Variants in MSANTD3 observed in about 807,000 individuals in gnomAD.
MSANTD3 encodes the protein myb/SANT-like DNA-binding domain-containing protein 3.
Under a neutral mutation model 27.7 loss-of-function variants are expected in MSANTD3, and 11 were observed. The ratio of observed to expected loss-of-function variants is 0.40; its 90% CI spans 0.25 to 0.66. The LOEUF (loss-of-function observed/expected upper bound fraction) is 0.66, where lower values mean the gene tolerates loss of function less well. Among genes scored for constraint, MSANTD3 ranks in the 30% least tolerant of loss-of-function variants. The pLI is 0.41. For synonymous variants in MSANTD3, 131 were observed against 127.2 expected (o/e 1.03, Z -0.20); for missense variants, 250 against 336.5 (o/e 0.74, Z 2.01).
At chr9:100,433,272 A>G (rs117832514) in intron 1 of MSANTD3, among the ~76,000 whole-genome samples, 81 of 152,256 alleles carry the variant, frequency 5.3e-4, no homozygotes, top group African/African-American at 1.3e-3. Flanking sequence ...AAATTTATTT[A>G]TATTTTTTCT....
intron 1 of MSANTD3, among the ~76,000 whole-genome samples, chr9:100,439,695 A>G (rs1317805944): frequency 2.2e-5 from 3 of 138,816 alleles, no homozygotes; most frequent in Non-Finnish European, 4.7e-5. Flanking sequence ...TTTTTTTTGT[A>G]ATTTTAGTAG....
rs1236565117 is a variant in MSANTD3, at chr9:100,451,524, T to C, written c.*558T>C. The C allele has an allele frequency of 6.6e-6, 1 of 151,992 alleles. No homozygotes were observed. The highest frequency in any genetic ancestry group is 2.4e-5 in the African/African-American group (1 of 41,352). The allele number at this position is 151,992 out of a possible 1,614,324, so 9.4% of individuals were successfully genotyped here. A position where few individuals can be genotyped will look rare whatever the true frequency, so the allele number is the denominator to read the frequency against. ...ATCCTCTGAGTATGGATTTTCTGTTTTTAAACAGCCCAAAGTTTAGAAGGG... is the reference window on the plus strand; with the variant it reads ...ATCCTCTGAGTATGGATTTTCTGTTCTTAAACAGCCCAAAGTTTAGAAGGG... On this transcript the variant is annotated 3_prime_UTR_variant, in exon 3 of 3. Transcript: ENST00000395067.
At position 100,446,825 on chromosome 9, in the gene MSANTD3, T is replaced by TAAA. The variant is rs34205662; in HGVS notation, c.419-3719_419-3717dup. ...CTGGGTGACAGAGCCAGACTTCGTCTAAAAAAAAAAAAAAAGATCAATTCC... is the reference window on the plus strand; with the variant it reads ...CTGGGTGACAGAGCCAGACTTCGTCTAAAAAAAAAAAAAAAAAAGATCAATTCC... On this transcript the variant is annotated intron_variant, in intron 2 of 2. Coordinates refer to ENST00000395067, the MANE Select transcript of MSANTD3 (RefSeq NM_080655.3). 3.5e-3 allele frequency among the ~76,000 whole-genome samples: 498 copies of TAAA among 141,644 alleles called. 5 individuals carry two copies. The highest frequency in any genetic ancestry group is 9.9e-3 in the African/African-American group (384 of 38,600). 92.9% of individuals were successfully genotyped at this position (141,644 alleles called of 152,430 possible).
intron 1 of MSANTD3, among the ~76,000 whole-genome samples, chr9:100,430,895 A>G (rs1564246161): frequency 6.6e-6 from 1 of 152,236 alleles, no homozygotes; most frequent in Non-Finnish European, 1.5e-5. Context: ...AGTGGGGCAC[A>G]GAGGTGGCTG....
intron 1 of MSANTD3, among the ~76,000 whole-genome samples, chr9:100,438,088 A>C (rs1587786749): frequency 6.6e-6 from 1 of 152,214 alleles, no homozygotes; most frequent in South Asian, 2.1e-4. Context: ...CATCTTGAGG[A>C]AGAATTACAT....
intron 1 of MSANTD3, among the ~76,000 whole-genome samples, chr9:100,434,741 C>T (rs1186413071): frequency 1.3e-5 from 2 of 152,124 alleles, no homozygotes. Flanking sequence ...TCTTCATGCT[C>T]AAGGTGCTTT....
chr9:100,442,007 T>G lies in MSANTD3; in HGVS notation c.69T>G (p.Ala23=). 6.2e-7 allele frequency: 1 copy of G among 1,614,186 alleles called. No individual in the cohort carries two copies. Among genetic ancestry groups the G allele is most frequent in the East Asian group, 2.2e-5 (1 of 44,878 alleles). ...AATTGGAAAAGAGCATCCTGCTGGC[T>G]TTAGTAGAAAAGTATAAATATGTGC... The part of the protein sequence containing the change: ...FSELEKSILL[A]LVEKYKYVLE... Residue 23 remains alanine (A), a synonymous_variant, in exon 2 of 3, where the codon GCT becomes GCG. Coordinates refer to ENST00000395067, the MANE Select transcript of MSANTD3 (RefSeq NM_080655.3).
Position 100,450,912 on chromosome 9 carries a change from T to C in MSANTD3, c.774T>C (p.Phe258=), listed in dbSNP as rs1463318324. 3 of 1,612,006 alleles carry C rather than the reference T, an allele frequency of 1.9e-6. No individual in the cohort carries two copies. The highest frequency in any genetic ancestry group is 1.7e-4 in the Middle Eastern group (1 of 6,050). ...ATTGGGAAAGAAAACTACAAACTTT[T>C]ACCAAGGAATGGCCTGTTTCCTCAT... The part of the protein sequence containing the change: ...KMYWERKLQT[F]TKEWPVSSFN... The change falls in exon 3 of 3, where the codon TTT becomes TTC. Residue 258 remains phenylalanine, a synonymous_variant. Coordinates refer to ENST00000395067, the MANE Select transcript of MSANTD3 (RefSeq NM_080655.3).
rs146663531 is a variant in MSANTD3 at position 100,442,473 on chromosome 9, A to G, written c.418+117A>G. ...AAATGAAACTTTTGTATCAAATCCA[A>G]TTTTCCTAATTCAAGATCTCAGGAT... On this transcript the variant is annotated intron_variant, in intron 2 of 2. Coordinates refer to ENST00000395067, the MANE Select transcript of MSANTD3 (RefSeq NM_080655.3). The G allele has an allele frequency of 7.1e-3, 10,124 of 1,434,366 alleles. 43 individuals carry two copies. Among genetic ancestry groups the G allele is most frequent in the Non-Finnish European group, 8.1e-3 (8,838 of 1,090,276 alleles). 88.9% of individuals were successfully genotyped at this position (1,434,366 alleles called of 1,614,324 possible).
intron 2 of MSANTD3, chr9:100,445,043 C>A: frequency 1.6e-6 from 1 of 633,342 alleles, no homozygotes; most frequent in Non-Finnish European, 2.8e-6. Flanking sequence ...TGGTGGAGAA[C>A]CTTGGTGCTT....
chr9:100,430,674 G>A (rs934591235), intron 1 of MSANTD3, among the ~76,000 whole-genome samples: 1 of 152,210 alleles, frequency 6.6e-6, no homozygotes, highest in African/African-American at 2.4e-5. Flanking sequence ...CACAGACATG[G>A]GCAGTGAGAA....
chr9:100,437,001 C>T (rs1251990134), intron 1 of MSANTD3, among the ~76,000 whole-genome samples: 11 of 152,112 alleles, frequency 7.2e-5, no homozygotes, highest in Non-Finnish European at 8.8e-5. Context: ...GATGGGGTTT[C>T]GCCTTATTGG....
At chr9:100,433,430 C>A (rs982569997) in intron 1 of MSANTD3, among the ~76,000 whole-genome samples, 3 of 152,100 alleles carry the variant, frequency 2.0e-5, no homozygotes, top group African/African-American at 4.8e-5. Context: ...CATGCAGTGG[C>A]ATGATCATAT....
intron 1 of MSANTD3, among the ~76,000 whole-genome samples, chr9:100,438,746 G>C (rs1032129761): frequency 6.6e-6 from 1 of 152,186 alleles, no homozygotes; most frequent in Non-Finnish European, 1.5e-5. Context: ...ACAGAAGAGA[G>C]ATATTGTACA....
intron 2 of MSANTD3, among the ~76,000 whole-genome samples, chr9:100,443,848 A>C (rs1031218067): frequency 6.6e-6 from 1 of 152,224 alleles, no homozygotes; most frequent in African/African-American, 2.4e-5. Context: ...ACATTGAAGC[A>C]GAGGATGTTT....
Position 100,437,785 on chromosome 9 carries a change from A to G in MSANTD3, c.-33-4121A>G, listed in dbSNP as rs554132385. Among the ~76,000 whole-genome samples, 24 of 152,314 alleles carry G rather than the reference A, an allele frequency of 1.6e-4. No homozygotes were observed. In the South Asian group the frequency reaches 2.7e-3, roughly 17 times the overall value. On this transcript the variant is annotated intron_variant, in intron 1 of 2. Transcript: ENST00000395067. ...CGTATAATTTCTTCTGGTACTTTAT[A>G]TATGTAAATTTATATATACATGCAT...
rs1407929623 is a variant in MSANTD3, at chr9:100,450,915, C to G, written c.777C>G (p.Thr259=). The change falls in exon 3 of 3, where the codon ACC becomes ACG. Residue 259 remains threonine, a synonymous_variant. Coordinates refer to ENST00000395067, the MANE Select transcript of MSANTD3 (RefSeq NM_080655.3). ...MYWERKLQTF[T]KEWPVSSFNR... The stretch of plus-strand genomic sequence containing the variant: ...GGGAAAGAAAACTACAAACTTTTAC[C>G]AAGGAATGGCCTGTTTCCTCATTTA... 1 of 1,611,660 alleles carries G rather than the reference C, an allele frequency of 6.2e-7. No homozygotes were observed. The highest frequency in any genetic ancestry group is 8.5e-7 in the Non-Finnish European group (1 of 1,179,246).
At chr9:100,446,956 C>T (rs1836768516) in intron 2 of MSANTD3, among the ~76,000 whole-genome samples, 1 of 152,134 alleles carries the variant, frequency 6.6e-6, no homozygotes, top group Non-Finnish European at 1.5e-5. Flanking sequence ...GCCCTATTTC[C>T]TGTATCTGGG....
In MSANTD3 at chr9:100,450,553, T is replaced by C; in HGVS notation, c.419-4T>C. On this transcript the variant is annotated splice_polypyrimidine_tract_variant and splice_region_variant and intron_variant, in intron 2 of 2. Transcript: ENST00000395067. Reference sequence around the variant, plus strand: ...AACATATGTTTTCTGCTACTGTTTTTCAGAATCATTTGCTGTTTCAAATAG... The same window carrying C: ...AACATATGTTTTCTGCTACTGTTTTCCAGAATCATTTGCTGTTTCAAATAG... 6.5e-7 allele frequency: 1 copy of C among 1,528,810 alleles called. No individual in the cohort carries two copies. 94.7% of individuals were successfully genotyped at this position (1,528,810 alleles called of 1,614,324 possible).
Sources: gnomAD v4.1 joint callset for allele counts (sites outside exome capture counted in the v4.1 genomes callset) on GRCh38, gnomAD v4.1.1 for gene constraint, MANE v1.5 for transcripts, NCBI Gene and HGNC (gene_info 2026-07-23, HGNC 2026-07-21) for gene names.